The following RSRC1 variants were observed in gnomAD, a reference collection of about 807,000 sequenced individuals.
RSRC1 encodes the protein serine/Arginine-related protein 53.
Under a neutral mutation model 49.1 loss-of-function variants are expected in RSRC1, and 39 were observed. That is an observed-to-expected ratio of 0.79 (90% CI 0.61 to 1.04). The LOEUF (loss-of-function observed/expected upper bound fraction) is 1.04. RSRC1 is among the 50% of genes least tolerant of loss of function. RSRC1 has a pLI of 0.00. For missense variants in RSRC1, 388 were observed against 402.4 expected (o/e 0.96, Z 0.31); for synonymous variants, 143 against 130.8 (o/e 1.09, Z -0.63).
At chr3:158,240,472 G>A (rs1723508853) in intron 4 of RSRC1, among the ~76,000 whole-genome samples, 1 of 152,234 alleles carries the variant, frequency 6.6e-6, no homozygotes, top group Admixed American at 6.5e-5. Flanking sequence ...ACATTATTGA[G>A]ATAAACCTGG....
chr3:158,321,060 A>G (rs1323368571), intron 5 of RSRC1, among the ~76,000 whole-genome samples: 1 of 152,036 alleles, frequency 6.6e-6, no homozygotes, highest in Admixed American at 6.6e-5. Context: ...AGAATTTCTT[A>G]TACTTCCTGA....
intron 4 of RSRC1, among the ~76,000 whole-genome samples, chr3:158,292,717 T>TC (rs1727010039): frequency 1.3e-5 from 2 of 152,230 alleles, no homozygotes. Context: ...TCATTAAAAC[T>TC]CTTAGAATCA....
intron 4 of RSRC1, among the ~76,000 whole-genome samples, chr3:158,227,606 C>G (rs1192962431): frequency 1.3e-5 from 2 of 151,980 alleles, no homozygotes; most frequent in East Asian, 3.9e-4. Context: ...GCCAAACAGG[C>G]AAAGGTAGTT....
chr3:158,286,904 G>A (rs971244809), intron 4 of RSRC1, among the ~76,000 whole-genome samples: 2 of 152,166 alleles, frequency 1.3e-5, no homozygotes, highest in African/African-American at 4.8e-5. Context: ...TCAGCTCACT[G>A]CAACCTCTGC....
At chr3:158,390,011 T>G (rs1733180898) in intron 6 of RSRC1, among the ~76,000 whole-genome samples, 1 of 152,206 alleles carries the variant, frequency 6.6e-6, no homozygotes, top group Non-Finnish European at 1.5e-5. Flanking sequence ...ACAAATATCC[T>G]TAGACAAAAT....
At chr3:158,319,652 T>G (rs1728650733) in intron 5 of RSRC1, among the ~76,000 whole-genome samples, 2 of 152,190 alleles carry the variant, frequency 1.3e-5, no homozygotes, top group South Asian at 4.1e-4. Context: ...GTCTCAGGAT[T>G]TTTTCCCTCT....
chr3:158,229,333 T>C (rs1325951258), intron 4 of RSRC1, among the ~76,000 whole-genome samples: 10 of 149,742 alleles, frequency 6.7e-5, no homozygotes, highest in African/African-American at 2.4e-4. Flanking sequence ...CACAGGTATA[T>C]GTGTATGTAT....
chr3:158,270,068 T>C (rs918364188), intron 4 of RSRC1, among the ~76,000 whole-genome samples: 2 of 152,114 alleles, frequency 1.3e-5, no homozygotes, highest in Non-Finnish European at 2.9e-5. Context: ...AGCAACTGCA[T>C]ACATGATTCA....
At chr3:158,237,986 A>G (rs1015588201) in intron 4 of RSRC1, among the ~76,000 whole-genome samples, 6 of 152,144 alleles carry the variant, frequency 3.9e-5, no homozygotes, top group African/African-American at 1.4e-4. Context: ...TCAGCCTAAA[A>G]TCTCCTTAAG....
chr3:158,217,762 G>GTT (rs1722027770), intron 4 of RSRC1, among the ~76,000 whole-genome samples: 2 of 115,132 alleles, frequency 1.7e-5, no homozygotes, highest in South Asian at 2.7e-4. Flanking sequence ...GTGTGTGTGT[G>GTT]TGTGGGGGGG....
chr3:158,398,732 C>G (rs557054854), intron 6 of RSRC1, among the ~76,000 whole-genome samples: 1 of 152,110 alleles, frequency 6.6e-6, no homozygotes, highest in Non-Finnish European at 1.5e-5. Context: ...TCCATTGTTA[C>G]TACGACCTAA....
intron 6 of RSRC1, among the ~76,000 whole-genome samples, chr3:158,458,477 A>G (rs1737457202): frequency 6.6e-6 from 1 of 152,144 alleles, no homozygotes; most frequent in African/African-American, 2.4e-5. Context: ...CAGCTTAGCA[A>G]AACAACAGAG....
chr3:158,471,710 C>T (rs1017203087), intron 7 of RSRC1, among the ~76,000 whole-genome samples: 7 of 152,120 alleles, frequency 4.6e-5, no homozygotes, highest in African/African-American at 1.7e-4. Flanking sequence ...GTTGGGATGA[C>T]TCAGACTTTC....
chr3:158,322,571 G>C (rs982142601), intron 5 of RSRC1, among the ~76,000 whole-genome samples: 1 of 152,230 alleles, frequency 6.6e-6, no homozygotes, highest in Admixed American at 6.5e-5. Context: ...ATGCATGTAA[G>C]TGTGAGTCCT....
At chr3:158,516,536 A>T (rs1267423528) in intron 7 of RSRC1, among the ~76,000 whole-genome samples, 1 of 152,174 alleles carries the variant, frequency 6.6e-6, no homozygotes, top group African/African-American at 2.4e-5. Context: ...TGCAGAGGTT[A>T]CTGCTGTCTT....
At chr3:158,297,968 T>G in intron 4 of RSRC1, 71 bp from the exon 5 acceptor site, 2 of 1,107,404 alleles carry the variant, frequency 1.8e-6, no homozygotes, top group Non-Finnish European at 2.7e-6. Context: ...TTATAAAACA[T>G]TTTTGAGGTA....
Position 158,532,998 on chromosome 3 carries a change from A to G in RSRC1, c.653-4094A>G, listed in dbSNP as rs1457020237. ...CAAAATTGTTAAATGACAAATTGACATGAAAAACTTAAGAAACTGAATTTA... is the reference window on the plus strand; with the variant it reads ...CAAAATTGTTAAATGACAAATTGACGTGAAAAACTTAAGAAACTGAATTTA... On this transcript the variant is annotated intron_variant, in intron 7 of 9. Coordinates refer to ENST00000611884, the MANE Select transcript of RSRC1 (RefSeq NM_001271838.2). 7.9e-5 allele frequency among the ~76,000 whole-genome samples: 12 copies of G among 151,782 alleles called. No individual in the cohort carries two copies. In the East Asian group the frequency reaches 2.1e-3, roughly 27 times the overall value.
At chr3:158,450,154 T>C (rs1274131898) in intron 6 of RSRC1, among the ~76,000 whole-genome samples, 2 of 151,964 alleles carry the variant, frequency 1.3e-5, no homozygotes, top group Non-Finnish European at 2.9e-5. Context: ...GGAACAATGA[T>C]AAGGAGCACA....
At chr3:158,267,786 A>G (rs1725273116) in intron 4 of RSRC1, among the ~76,000 whole-genome samples, 2 of 148,990 alleles carry the variant, frequency 1.3e-5, no homozygotes, top group Non-Finnish European at 3.0e-5. Flanking sequence ...ATAAATATTT[A>G]TGTGATAAAA....
Sources: gnomAD v4.1 joint callset for allele counts (sites outside exome capture counted in the v4.1 genomes callset) on GRCh38, gnomAD v4.1.1 for gene constraint, MANE v1.5 for transcripts, NCBI Gene and HGNC (gene_info 2026-07-23, HGNC 2026-07-21) for gene names.